PCDH11X: variants seen among roughly 807,000 people sequenced by gnomAD.
The protein encoded by PCDH11X is protocadherin 11 X-linked.
In PCDH11X, 18 loss-of-function variants were observed where a neutral mutation model predicts 53.3. The ratio of observed to expected loss-of-function variants is 0.34; its 90% CI spans 0.23 to 0.50. PCDH11X has a LOEUF of 0.50. PCDH11X is among the 20% of genes least tolerant of loss of function. PCDH11X has a pLI of 0.98. For missense variants in PCDH11X, 570 were observed against 1,032.4 expected, an observed-to-expected ratio of 0.55 and a Z score of 6.14; for synonymous variants, 279 against 393.3, an observed-to-expected ratio of 0.71 and a Z score of 3.44.
At chrX:92,201,569 A>C in intron 7 of PCDH11X, 114 bp downstream of exon 7, 1 of 428,030 alleles carries the variant, frequency 2.3e-6, no homozygotes, top group Non-Finnish European at 3.9e-6. Context: ...ACATTTCTTC[A>C]GGTGATTTTG....
At chrX:92,154,785 C>T (rs1487273259) in intron 6 of PCDH11X, among the ~76,000 whole-genome samples, 2 of 101,796 alleles carry the variant, frequency 2.0e-5, no homozygotes, top group Non-Finnish European at 4.0e-5. Context: ...CACCGAGCGG[C>T]CCGATTCCGG....
chrX:91,977,331 A>G (rs1182474630), intron 6 of PCDH11X, among the ~76,000 whole-genome samples: 1 of 112,084 alleles, frequency 8.9e-6, no homozygotes, highest in Non-Finnish European at 1.9e-5. Context: ...TCAGCCTTAC[A>G]AAAATAGATA....
intron 6 of PCDH11X, among the ~76,000 whole-genome samples, chrX:91,904,927 T>C (rs1941095927): frequency 1.8e-5 from 2 of 109,990 alleles, no homozygotes; most frequent in Middle Eastern, 4.7e-3. Flanking sequence ...GGACAATTTG[T>C]TTAAAATTGT....
chrX:92,232,725 T>C (rs1286565594), intron 7 of PCDH11X, among the ~76,000 whole-genome samples: 2 of 112,218 alleles, frequency 1.8e-5, no homozygotes, highest in Non-Finnish European at 3.8e-5. Flanking sequence ...TTTTTTAAAT[T>C]ATTATTATTG....
At chrX:92,502,582 T>A (rs2073979588) in intron 10 of PCDH11X, among the ~76,000 whole-genome samples, 1 of 110,402 alleles carries the variant, frequency 9.1e-6, no homozygotes, top group Non-Finnish European at 1.9e-5. Flanking sequence ...AAGCATCAGA[T>A]CTTTGACAAA....
intron 10 of PCDH11X, among the ~76,000 whole-genome samples, chrX:92,598,563 A>G (rs1925882418): frequency 1.0e-5 from 1 of 96,602 alleles, no homozygotes; most frequent in African/African-American, 4.3e-5. Flanking sequence ...AAAACTGGAG[A>G]GGGTGTGGAG....
At chrX:92,209,564 C>T (rs894932568) in intron 7 of PCDH11X, among the ~76,000 whole-genome samples, 5 of 112,415 alleles carry the variant, frequency 4.4e-5, no homozygotes, top group Non-Finnish European at 9.4e-5. Flanking sequence ...TTGCAGCGTA[C>T]AGCCTTTTTG....
At position 92,266,682 on chromosome X, in the gene PCDH11X, G is replaced by A. The variant is rs755030463; in HGVS notation, c.3144+3539G>A. Among the ~76,000 whole-genome samples the A allele has an allele frequency of 8.1e-5, 9 of 110,905 alleles. No individual in the cohort carries two copies. In the South Asian group the frequency reaches 3.4e-3, roughly 42 times the overall value. ...CCATGTGGTTAATTACTAATTAGGAGGAAAAACAAATTTCAACACATGGCC... is the reference window on the plus strand; with the variant it reads ...CCATGTGGTTAATTACTAATTAGGAAGAAAAACAAATTTCAACACATGGCC... On this transcript the variant is annotated intron_variant, in intron 8 of 10. Coordinates refer to ENST00000682573, the MANE Select transcript of PCDH11X (RefSeq NM_032968.5).
chrX:92,258,282 G>T (rs369919), intron 7 of PCDH11X, among the ~76,000 whole-genome samples: 1 of 109,486 alleles, frequency 9.1e-6, no homozygotes, highest in African/African-American at 3.3e-5. Flanking sequence ...GGGGTGCTAC[G>T]GTGAAGGTGT....
chrX:91,996,050 C>A (rs2062414832), intron 6 of PCDH11X, among the ~76,000 whole-genome samples: 1 of 106,595 alleles, frequency 9.4e-6, no homozygotes, highest in Non-Finnish European at 1.9e-5. Context: ...ACCATGTTAG[C>A]CAGGATGGTC....
At position 92,479,150 on chromosome X, in the gene PCDH11X, A is replaced by G. The variant is rs186789610; in HGVS notation, c.3367+10828A>G. On this transcript the variant is annotated intron_variant, in intron 10 of 10. Coordinates refer to ENST00000682573, the MANE Select transcript of PCDH11X (RefSeq NM_032968.5). ...GTCTTTTTTCTATATTTGTTGGTTT[A>G]AAATATGTTTTTTCTGAAATTAGGA... 9.1e-4 allele frequency among the ~76,000 whole-genome samples: 101 copies of G among 111,495 alleles called. 2 individuals are homozygous for G. The highest frequency in any genetic ancestry group is 3.2e-3 in the African/African-American group (97 of 30,701).
chrX:92,513,202 C>A (rs2074194459), intron 10 of PCDH11X, among the ~76,000 whole-genome samples: 1 of 109,445 alleles, frequency 9.1e-6, no homozygotes, highest in South Asian at 3.9e-4. Flanking sequence ...TACATGTGTA[C>A]ACATACCCAT....
chrX:91,830,980 G>C (rs1230467366), intron 4 of PCDH11X, among the ~76,000 whole-genome samples: 1 of 111,161 alleles, frequency 9.0e-6, no homozygotes, highest in African/African-American at 3.3e-5. Flanking sequence ...AAAATATCAA[G>C]GAAATTATGC....
chrX:91,973,298 G>T (rs1379452485), intron 6 of PCDH11X, among the ~76,000 whole-genome samples: 1 of 62,309 alleles, frequency 1.6e-5, no homozygotes, highest in African/African-American at 6.2e-5. Context: ...TGGGGTGGGG[G>T]GAGGGGGGAG....
chrX:92,132,693 A>T (rs1323165917), intron 6 of PCDH11X, among the ~76,000 whole-genome samples: 3 of 92,692 alleles, frequency 3.2e-5, no homozygotes, highest in Non-Finnish European at 6.3e-5. Flanking sequence ...ATATGTATAT[A>T]TATATATATA....
At chrX:92,214,760 G>T (rs771801042) in intron 7 of PCDH11X, among the ~76,000 whole-genome samples, 15 of 111,536 alleles carry the variant, frequency 1.3e-4, no homozygotes, top group Non-Finnish European at 2.3e-4. Context: ...TTAAAGTACT[G>T]CCAGGAGGCC....
chrX:92,067,201 G>A (rs1433707366), intron 6 of PCDH11X, among the ~76,000 whole-genome samples: 1 of 111,016 alleles, frequency 9.0e-6, no homozygotes, highest in Non-Finnish European at 1.9e-5. Context: ...ATGCTATGTT[G>A]AATAATAGTG....
At chrX:92,340,872 CA>C (rs2069741291) in intron 8 of PCDH11X, among the ~76,000 whole-genome samples, 4 of 111,762 alleles carry the variant, frequency 3.6e-5, no homozygotes, top group African/African-American at 1.3e-4. Flanking sequence ...ATTCCTCTCC[CA>C]AAAAAGCTTT....
intron 6 of PCDH11X, among the ~76,000 whole-genome samples, chrX:92,036,536 A>T (rs2063128221): frequency 9.3e-6 from 1 of 107,939 alleles, no homozygotes; most frequent in African/African-American, 3.4e-5. Flanking sequence ...TATGCCCTTC[A>T]CCTTCCACCA....
Sources: gnomAD v4.1 joint callset for allele counts (sites outside exome capture counted in the v4.1 genomes callset) on GRCh38, gnomAD v4.1.1 for gene constraint, MANE v1.5 for transcripts, NCBI Gene and HGNC (gene_info 2026-07-23, HGNC 2026-07-21) for gene names.